Variants in KIFAP3 observed in about 807,000 individuals in gnomAD.
KIFAP3 encodes kinesin-associated protein 3.
KIFAP3 carries 68 observed loss-of-function variants against 106.5 expected under a neutral mutation model. The ratio of observed to expected loss-of-function variants is 0.64; its 90% CI spans 0.53 to 0.78. The LOEUF is 0.78. KIFAP3 is among the 30% of genes least tolerant of loss of function. The probability of loss-of-function intolerance (pLI) is 0.00; values close to 1 mark genes in which losing one functional copy is unlikely to be tolerated. For synonymous variants in KIFAP3, 320 were observed against 311.5 expected (o/e 1.03, Z -0.29); for missense variants, 780 against 941.8 (o/e 0.83, Z 2.25).
At chr1:169,987,461 C>T (rs1666885512) in intron 11 of KIFAP3, among the ~76,000 whole-genome samples, 1 of 151,946 alleles carries the variant, frequency 6.6e-6, no homozygotes, top group African/African-American at 2.4e-5. Flanking sequence ...ATAACTCTAC[C>T]ACCCCCATCC....
intron 18 of KIFAP3, among the ~76,000 whole-genome samples, chr1:169,960,050 T>G (rs112193987): frequency 1.3e-5 from 2 of 152,058 alleles, no homozygotes; most frequent in African/African-American, 4.8e-5. Flanking sequence ...TATGGAAAAT[T>G]TGCACAATAC....
At chr1:169,966,133 AAAC>A (rs1665603717) in intron 17 of KIFAP3, among the ~76,000 whole-genome samples, 1 of 151,864 alleles carries the variant, frequency 6.6e-6, no homozygotes, top group Non-Finnish European at 1.5e-5. Context: ...TCGTACTATA[AAAC>A]AATAGGTTTA....
chr1:169,962,754 T>G (rs1384219427), intron 17 of KIFAP3, among the ~76,000 whole-genome samples: 1 of 152,206 alleles, frequency 6.6e-6, no homozygotes, highest in Admixed American at 6.5e-5. Flanking sequence ...TGTAATTTTC[T>G]TGTTAAAATT....
intron 3 of KIFAP3, chr1:170,041,754 A>G (rs991351733): frequency 2.0e-6 from 3 of 1,534,132 alleles, no homozygotes; most frequent in African/African-American, 1.4e-5. Flanking sequence ...GCCAAGGGCA[A>G]TCGACATCCC....
intron 15 of KIFAP3, among the ~76,000 whole-genome samples, chr1:169,981,014 T>C (rs1371371455): frequency 6.6e-6 from 1 of 152,126 alleles, no homozygotes; most frequent in Non-Finnish European, 1.5e-5. Flanking sequence ...GGCAGGAGAA[T>C]CGCTTGAACC....
rs982010139 is a variant in KIFAP3, at chr1:170,004,410, G to T, written c.1183+12052C>A. Reference sequence around the variant, plus strand: ...CCCCGCATTGCCAAGTCAATCCTAAGCCAAAAGAACAACGCTGGAGGCATC... The same window carrying T: ...CCCCGCATTGCCAAGTCAATCCTAATCCAAAAGAACAACGCTGGAGGCATC... On this transcript the variant is annotated intron_variant, in intron 10 of 19. Coordinates refer to ENST00000361580, the MANE Select transcript of KIFAP3 (RefSeq NM_014970.4). Among the ~76,000 whole-genome samples the T allele has an allele frequency of 3.4e-4, 52 of 152,038 alleles. 1 individual carries two copies. The highest frequency in any genetic ancestry group is 1.0e-3 in the African/African-American group (43 of 41,450).
At chr1:170,041,726 A>C in intron 3 of KIFAP3, 3 of 1,535,160 alleles carry the variant, frequency 2.0e-6, no homozygotes, top group Non-Finnish European at 2.6e-6. Flanking sequence ...AATCTGAAAG[A>C]CTTCTCCGGT....
intron 2 of KIFAP3, among the ~76,000 whole-genome samples, chr1:170,048,861 T>C (rs12126204): frequency 0.16 from 24,955 of 152,050 alleles, 2,222 homozygotes; most frequent in Middle Eastern, 0.22. Flanking sequence ...GGTGAGCCTA[T>C]AACACCTGGG....
chr1:170,007,309 C>T (rs549385005), intron 10 of KIFAP3, among the ~76,000 whole-genome samples: 57 of 150,098 alleles, frequency 3.8e-4, no homozygotes, highest in African/African-American at 1.3e-3. Flanking sequence ...AAGAGGGAGA[C>T]AGAGAGGGAG....
intron 19 of KIFAP3, among the ~76,000 whole-genome samples, 193 bp downstream of exon 19, chr1:169,953,818 G>C (rs1404736915): frequency 1.3e-5 from 2 of 152,124 alleles, no homozygotes; most frequent in South Asian, 2.1e-4. Context: ...GCGGCCTTGT[G>C]ATCTCCATTT....
intron 19 of KIFAP3, among the ~76,000 whole-genome samples, chr1:169,933,916 A>C (rs79933851): frequency 6.6e-6 from 1 of 152,072 alleles, no homozygotes; most frequent in African/African-American, 2.4e-5. Context: ...TTTTCAGTCT[A>C]TATCTGTAAC....
intron 1 of KIFAP3, among the ~76,000 whole-genome samples, chr1:170,065,613 C>CA (rs71125225): frequency 0.025 from 1,238 of 49,786 alleles, 68 homozygotes; most frequent in Non-Finnish European, 0.028. Context: ...GACTCCACCT[C>CA]AAAAAAAAAA....
chr1:169,928,813 A>T (rs1663299620), intron 19 of KIFAP3, among the ~76,000 whole-genome samples: 1 of 151,888 alleles, frequency 6.6e-6, no homozygotes, highest in African/African-American at 2.4e-5. Flanking sequence ...TTTCATTGGA[A>T]TGGAGCAAAT....
At chr1:170,043,916 C>T (rs571713738) in intron 3 of KIFAP3, among the ~76,000 whole-genome samples, 16 of 152,102 alleles carry the variant, frequency 1.1e-4, no homozygotes, top group Non-Finnish European at 2.2e-4. Flanking sequence ...CAATTGGAGA[C>T]ATCTTTTAAA....
chr1:169,932,535 T>C (rs577093422), intron 19 of KIFAP3, among the ~76,000 whole-genome samples: 1 of 152,246 alleles, frequency 6.6e-6, no homozygotes, highest in South Asian at 2.1e-4. Flanking sequence ...AAATGGGCTA[T>C]ATCAACTCCC....
intron 3 of KIFAP3, 89 bp from the exon 4 acceptor site, chr1:170,039,377 G>A: frequency 3.1e-6 from 2 of 635,864 alleles, no homozygotes; most frequent in Non-Finnish European, 5.5e-6. Flanking sequence ...TTAACTCTAG[G>A]TAAACTGGGG....
intron 19 of KIFAP3, among the ~76,000 whole-genome samples, chr1:169,947,439 C>T (rs1572551): frequency 0.11 from 16,416 of 151,852 alleles, 1,016 homozygotes; most frequent in Middle Eastern, 0.18. Context: ...TGAGAAGCAA[C>T]CCTTGCAAAT....
chr1:169,997,758 T>C (rs1388697334), intron 10 of KIFAP3, among the ~76,000 whole-genome samples: 2 of 151,188 alleles, frequency 1.3e-5, no homozygotes, highest in Admixed American at 6.6e-5. Context: ...TAATCCCAGC[T>C]ACTCAGGAAG....
At chr1:169,942,754 A>G (rs1664200332) in intron 19 of KIFAP3, among the ~76,000 whole-genome samples, 1 of 152,234 alleles carries the variant, frequency 6.6e-6, no homozygotes, top group South Asian at 2.1e-4. Flanking sequence ...TCCTGCAAGG[A>G]AAATTCACTT....
Sources: allele counts gnomAD v4.1 joint callset (sites outside exome capture counted in the v4.1 genomes callset), GRCh38; gene constraint gnomAD v4.1.1; transcripts MANE v1.5; gene names NCBI Gene and HGNC (gene_info 2026-07-23, HGNC 2026-07-21).